Variants in BMPER observed in about 807,000 individuals in gnomAD.
BMPER encodes the protein BMP-binding endothelial regulator protein.
A neutral mutation model predicts 87.3 loss-of-function variants in BMPER; 45 were observed. The observed-to-expected ratio is 0.52, with a 90% CI of 0.41 to 0.66. The LOEUF is 0.66. BMPER is among the 30% of genes least tolerant of loss of function. The pLI is 0.00. For synonymous variants in BMPER, 326 were observed against 316.2 expected, an observed-to-expected ratio of 1.03 and a Z score of -0.33; for missense variants, 784 against 867.5, an observed-to-expected ratio of 0.90 and a Z score of 1.21.
At chr7:33,982,108 G>A (rs1445582992) in intron 6 of BMPER, among the ~76,000 whole-genome samples, 4 of 152,212 alleles carry the variant, frequency 2.6e-5, no homozygotes, top group African/African-American at 9.6e-5. Flanking sequence ...TCTGCAATAG[G>A]AAGGAAAGAG....
intron 6 of BMPER, among the ~76,000 whole-genome samples, chr7:34,009,695 G>A (rs984511415): frequency 6.6e-6 from 1 of 151,988 alleles, no homozygotes; most frequent in South Asian, 2.1e-4. Context: ...TTGGACAAAG[G>A]AAAGAGATAT....
chr7:33,920,411 C>T (rs1784192829), intron 2 of BMPER, among the ~76,000 whole-genome samples: 2 of 139,810 alleles, frequency 1.4e-5, no homozygotes, highest in Admixed American at 7.7e-5. Context: ...ACCAGGGAAA[C>T]TCCGTTGTGT....
At chr7:33,977,228 T>G (rs1008597086) in intron 6 of BMPER, among the ~76,000 whole-genome samples, 6 of 152,084 alleles carry the variant, frequency 3.9e-5, no homozygotes, top group Non-Finnish European at 7.4e-5. Flanking sequence ...GGTAAAATAA[T>G]CTGGTTTTTA....
intron 14 of BMPER, among the ~76,000 whole-genome samples, chr7:34,147,198 C>A (rs1791051079): frequency 6.6e-6 from 1 of 152,188 alleles, no homozygotes; most frequent in South Asian, 2.1e-4. Flanking sequence ...TTCCCTGCAG[C>A]AACTCTGCCC....
chr7:33,986,668 C>T (rs576077186), intron 6 of BMPER, among the ~76,000 whole-genome samples: 20 of 152,058 alleles, frequency 1.3e-4, no homozygotes, highest in East Asian at 7.7e-4. Flanking sequence ...GAGGATGGAA[C>T]GGGGGGTGAG....
intron 3 of BMPER, among the ~76,000 whole-genome samples, chr7:33,950,568 C>A (rs1169552263): frequency 1.3e-5 from 2 of 152,150 alleles, no homozygotes; most frequent in Non-Finnish European, 2.9e-5. Context: ...CAGTTCCTGG[C>A]AGCTGCAGAG....
At chr7:33,914,374 C>T (rs1784040705) in intron 2 of BMPER, among the ~76,000 whole-genome samples, 1 of 152,102 alleles carries the variant, frequency 6.6e-6, no homozygotes, top group African/African-American at 2.4e-5. Context: ...GTTTTGGAGC[C>T]CACGTTTATA....
In BMPER at chr7:34,076,324, G is replaced by A. The variant is rs542765089; in HGVS notation, c.1079-2533G>A. ...AAAAAACAAAACAAAAAATAACAACGAATAAAAAACAGAAAAGCATAAGAA... is the reference window on the plus strand; with the variant it reads ...AAAAAACAAAACAAAAAATAACAACAAATAAAAAACAGAAAAGCATAAGAA... On this transcript the variant is annotated intron_variant, in intron 11 of 14. Transcript: ENST00000649409. Among the ~76,000 whole-genome samples the A allele has an allele frequency of 2.1e-3, 318 of 152,156 alleles. 7 individuals carry two copies. Among genetic ancestry groups the A allele is most frequent in the South Asian group, 3.1e-3 (15 of 4,822 alleles).
intron 10 of BMPER, among the ~76,000 whole-genome samples, chr7:34,060,682 A>C (rs2127964716): frequency 6.6e-6 from 1 of 152,286 alleles, no homozygotes; most frequent in Non-Finnish European, 1.5e-5. Context: ...TCTTGATGGA[A>C]ATGACCAGTA....
intron 6 of BMPER, among the ~76,000 whole-genome samples, chr7:34,028,435 T>C (rs1327376646): frequency 6.6e-6 from 1 of 151,788 alleles, no homozygotes; most frequent in Non-Finnish European, 1.5e-5. Flanking sequence ...AAGATATAAC[T>C]CAAGTCAACC....
intron 13 of BMPER, among the ~76,000 whole-genome samples, chr7:34,123,608 C>A (rs1790319422): frequency 6.6e-6 from 1 of 152,196 alleles, no homozygotes; most frequent in Admixed American, 6.5e-5. Context: ...CACGTCTGAA[C>A]TCCACTCTCA....
Position 33,916,871 on chromosome 7 carries a change from C to G in BMPER, c.219+9968C>G, listed in dbSNP as rs546378020. Among the ~76,000 whole-genome samples, 32 of 152,182 alleles carry G rather than the reference C, an allele frequency of 2.1e-4. No homozygotes were observed. In the East Asian group the frequency reaches 4.8e-3, roughly 23 times the overall value. ...TGTTAACACTTGGGATAGCTCCCCC[C>G]AGAATGGAACTCCAAGTTCCAAAAC... On this transcript the variant is annotated intron_variant, in intron 2 of 14. Coordinates refer to ENST00000649409, the MANE Select transcript of BMPER (RefSeq NM_001365308.1).
rs1412919608 is a variant in BMPER, at chr7:33,905,678, C to T, written c.65C>T (p.Thr22Met). The T allele has an allele frequency of 6.2e-7, 1 of 1,611,464 alleles. No homozygotes were observed. Among genetic ancestry groups the T allele is most frequent in the African/African-American group, 1.3e-5 (1 of 74,800 alleles). ...ERYCRRSPGI[T>M]CCVLLLLNCS... ...TACTGCCGCCGCTCGCCTGGGATTA[C>T]GTGCTGCGTCTTGCTGCTACTCAAT... The change falls in exon 1 of 15, where the codon ACG becomes ATG. Residue 22 changes from threonine (T) to methionine (M), a missense_variant. Transcript: ENST00000649409.
At chr7:33,927,530 T>C (rs983115789) in intron 2 of BMPER, among the ~76,000 whole-genome samples, 1 of 152,248 alleles carries the variant, frequency 6.6e-6, no homozygotes, top group African/African-American at 2.4e-5. Flanking sequence ...GTCATCTTTC[T>C]TTTGATACCA....
At chr7:34,111,966 C>T (rs1031971560) in intron 13 of BMPER, among the ~76,000 whole-genome samples, 51 of 151,980 alleles carry the variant, frequency 3.4e-4, no homozygotes, top group Non-Finnish European at 6.0e-4. Flanking sequence ...CCTGCCTCGG[C>T]CTCCCAAAGT....
chr7:33,966,034 C>T (rs117574949), intron 3 of BMPER, among the ~76,000 whole-genome samples: 1,545 of 152,206 alleles, frequency 0.01, 18 homozygotes, highest in South Asian at 0.03. Context: ...TAGAATTTTG[C>T]GTTCAAGTCC....
chr7:34,131,208 C>G (rs1442238233), intron 13 of BMPER, among the ~76,000 whole-genome samples: 2 of 152,026 alleles, frequency 1.3e-5, no homozygotes, highest in Admixed American at 1.3e-4. Flanking sequence ...TGGTGGCGTG[C>G]CAGCCCCACT....
chr7:33,989,455 A>G (rs932465226), intron 6 of BMPER, among the ~76,000 whole-genome samples: 15 of 151,636 alleles, frequency 9.9e-5, no homozygotes, highest in Non-Finnish European at 5.9e-5. Flanking sequence ...CCACTTTTTG[A>G]TAGGGTTGTT....
At chr7:33,989,336 T>C (rs113797358) in intron 6 of BMPER, among the ~76,000 whole-genome samples, 13,707 of 150,500 alleles carry the variant, frequency 0.091, 1,097 homozygotes, top group African/African-American at 0.22. Flanking sequence ...TATCTCATTG[T>C]GGTTTTGATT....
Sources: gnomAD v4.1 joint callset for allele counts (sites outside exome capture counted in the v4.1 genomes callset) on GRCh38, gnomAD v4.1.1 for gene constraint, MANE v1.5 for transcripts, NCBI Gene and HGNC (gene_info 2026-07-23, HGNC 2026-07-21) for gene names.